The following FHIT variants were observed in gnomAD, a reference collection of about 807,000 sequenced individuals.
The protein encoded by FHIT is fragile histidine triad diadenosine triphosphatase.
Under a neutral mutation model 17.9 loss-of-function variants are expected in FHIT, and 19 were observed. That is an observed-to-expected ratio of 1.06 (90% CI 0.74 to 1.56). The LOEUF (loss-of-function observed/expected upper bound fraction) is 1.56, where lower values mean the gene tolerates loss of function less well. FHIT is among the 40% of genes most tolerant of loss of function. The pLI is 0.00. For missense variants in FHIT, 248 were observed against 189.2 expected, an observed-to-expected ratio of 1.31 and a Z score of -1.82; for synonymous variants, 81 against 69.7, an observed-to-expected ratio of 1.16 and a Z score of -0.81.
At chr3:60,088,823 G>A (rs1184172960) in intron 5 of FHIT, among the ~76,000 whole-genome samples, 1 of 152,094 alleles carries the variant, frequency 6.6e-6, no homozygotes, top group Admixed American at 6.5e-5. Flanking sequence ...TTAGTACTAG[G>A]CATACCATTT....
chr3:60,985,103 C>T lies in FHIT; in HGVS notation c.-111+56944G>A, dbSNP rs550621408. Among the ~76,000 whole-genome samples, 175 of 152,254 alleles carry T rather than the reference C, an allele frequency of 1.1e-3. 1 individual carries two copies. Among genetic ancestry groups the T allele is most frequent in the African/African-American group, 4.0e-3 (166 of 41,552 alleles). ...TGTATGTGCCCCCATCACTACAGAA[C>T]GTAATCCAAGCTCATGAGTATGGCA... On this transcript the variant is annotated intron_variant, in intron 3 of 9. Coordinates refer to ENST00000492590, the MANE Select transcript of FHIT (RefSeq NM_002012.4).
At position 60,037,879 on chromosome 3, in the gene FHIT, A is replaced by G. The variant is rs371309896; in HGVS notation, c.104-23727T>C. On this transcript the variant is annotated intron_variant, in intron 5 of 9. Coordinates refer to ENST00000492590, the MANE Select transcript of FHIT (RefSeq NM_002012.4). ...CAGGTGCATACTGCCATGCCCGGCTAATTTTTTGTATTTTAGTAGAGACAG... is the reference window on the plus strand; with the variant it reads ...CAGGTGCATACTGCCATGCCCGGCTGATTTTTTGTATTTTAGTAGAGACAG... Among the ~76,000 whole-genome samples, 291 of 151,748 alleles carry G rather than the reference A, an allele frequency of 1.9e-3. 3 individuals carry two copies. Among genetic ancestry groups the G allele is most frequent in the Middle Eastern group, 6.9e-3 (2 of 290 alleles).
chr3:60,724,298 C>A lies in FHIT; in HGVS notation c.-18+97621G>T, dbSNP rs78551581. Among the ~76,000 whole-genome samples, 954 of 152,334 alleles carry A rather than the reference C, an allele frequency of 6.3e-3. 3 individuals are homozygous for A. The highest frequency in any genetic ancestry group is 9.6e-3 in the Non-Finnish European group (654 of 68,040). On this transcript the variant is annotated intron_variant, in intron 4 of 9. Coordinates refer to ENST00000492590, the MANE Select transcript of FHIT (RefSeq NM_002012.4). ...TTTTCAAGGTTCCTCCATGATGTAA[C>A]ATGTATCAGCACTACATTTATTTTT...
chr3:59,940,850 T>C lies in FHIT; in HGVS notation c.280-18436A>G, dbSNP rs149381744. On this transcript the variant is annotated intron_variant, in intron 7 of 9. Transcript: ENST00000492590. ...AATGCCTTATAAATGTAAGCTGCTC[T>C]TCTAGTTACTTTTACCCAGATCTCT... Among the ~76,000 whole-genome samples, 11 of 152,346 alleles carry C rather than the reference T, an allele frequency of 7.2e-5. No homozygotes were observed. In the East Asian group the frequency reaches 2.1e-3, roughly 29 times the overall value.
intron 4 of FHIT, among the ~76,000 whole-genome samples, chr3:60,821,548 C>T (rs1701930156): frequency 6.6e-6 from 1 of 152,126 alleles, no homozygotes; most frequent in African/African-American, 2.4e-5. Flanking sequence ...AACTGTTTAA[C>T]CTTACTTTTT....
At chr3:60,023,991 T>TAAA (rs34799084) in intron 5 of FHIT, among the ~76,000 whole-genome samples, 29,042 of 147,546 alleles carry the variant, frequency 0.2, 3,166 homozygotes, top group African/African-American at 0.29. Context: ...TACTTCATGG[T>TAAA]AAAAAAAAAA....
At chr3:60,447,570 C>G (rs1481109431) in intron 5 of FHIT, among the ~76,000 whole-genome samples, 1 of 152,038 alleles carries the variant, frequency 6.6e-6, no homozygotes, top group Admixed American at 6.6e-5. Context: ...AACCATAAAT[C>G]AGTGTTATCA....
chr3:60,423,830 G>A (rs535670913), intron 5 of FHIT, among the ~76,000 whole-genome samples: 4 of 152,168 alleles, frequency 2.6e-5, no homozygotes, highest in African/African-American at 4.8e-5. Flanking sequence ...CTAACTTCTT[G>A]CAGCAAATAT....
intron 3 of FHIT, among the ~76,000 whole-genome samples, chr3:60,860,508 T>C (rs1453479298): frequency 4.2e-5 from 5 of 120,462 alleles, no homozygotes; most frequent in Non-Finnish European, 8.5e-5. Context: ...ATCAGGTATA[T>C]ATGATACATA....
At chr3:60,750,329 G>A (rs1444022051) in intron 4 of FHIT, among the ~76,000 whole-genome samples, 4 of 152,034 alleles carry the variant, frequency 2.6e-5, no homozygotes, top group African/African-American at 9.7e-5. Flanking sequence ...AATTCAGGAG[G>A]GCCTCAAATG....
chr3:61,140,453 A>C (rs1335159430), intron 2 of FHIT, among the ~76,000 whole-genome samples: 6 of 152,212 alleles, frequency 3.9e-5, no homozygotes, highest in Non-Finnish European at 8.8e-5. Context: ...GAGTATGCAA[A>C]AGAGGAAATA....
chr3:60,240,518 A>T (rs1357305832), intron 5 of FHIT, among the ~76,000 whole-genome samples: 2 of 152,212 alleles, frequency 1.3e-5, no homozygotes, highest in African/African-American at 4.8e-5. Context: ...GTTTGAGCTC[A>T]CACATAACGA....
In FHIT at chr3:60,226,914, C is replaced by T. The variant is rs78727309; in HGVS notation, c.104-212762G>A. Among the ~76,000 whole-genome samples, 1,050 of 152,176 alleles carry T rather than the reference C, an allele frequency of 6.9e-3. 13 individuals carry two copies. The highest frequency in any genetic ancestry group is 0.023 in the African/African-American group (956 of 41,520). ...CTGGCTAGAACATCTATCTACCTAA[C>T]GTAGTAAATGAATCAAATTTAATTT... On this transcript the variant is annotated intron_variant, in intron 5 of 9. Coordinates refer to ENST00000492590, the MANE Select transcript of FHIT (RefSeq NM_002012.4).
chr3:60,228,015 T>C (rs1368298003), intron 5 of FHIT, among the ~76,000 whole-genome samples: 1 of 152,214 alleles, frequency 6.6e-6, no homozygotes, highest in Non-Finnish European at 1.5e-5. Context: ...TTTCTTTTAC[T>C]ACCACTTAAC....
intron 2 of FHIT, among the ~76,000 whole-genome samples, chr3:61,137,267 T>C (rs1290021830): frequency 1.8e-5 from 2 of 108,886 alleles, no homozygotes; most frequent in East Asian, 5.9e-4. Flanking sequence ...TCACTCTTTT[T>C]TTTTTTTTTT....
chr3:60,379,884 C>A (rs1700727555), intron 5 of FHIT, among the ~76,000 whole-genome samples: 8 of 152,140 alleles, frequency 5.3e-5, no homozygotes, highest in Admixed American at 5.2e-4. Flanking sequence ...CCTAAATATT[C>A]TTTGACCAGT....
chr3:60,183,470 T>G (rs973651632), intron 5 of FHIT, among the ~76,000 whole-genome samples: 2 of 152,108 alleles, frequency 1.3e-5, no homozygotes, highest in African/African-American at 4.8e-5. Context: ...TGAAAGTGTT[T>G]TGTTCAATTT....
At chr3:60,479,959 T>C (rs1259212473) in intron 5 of FHIT, among the ~76,000 whole-genome samples, 4 of 152,164 alleles carry the variant, frequency 2.6e-5, no homozygotes, top group African/African-American at 4.8e-5. Flanking sequence ...ATAATGATAA[T>C]ACGTGGCTAT....
At chr3:60,900,836 C>A (rs1054211095) in intron 3 of FHIT, among the ~76,000 whole-genome samples, 3 of 151,950 alleles carry the variant, frequency 2.0e-5, no homozygotes, top group African/African-American at 7.3e-5. Context: ...GGAGTGCAGT[C>A]GTGCGATCTC....
Sources: gnomAD v4.1 joint callset for allele counts (sites outside exome capture counted in the v4.1 genomes callset) on GRCh38, gnomAD v4.1.1 for gene constraint, MANE v1.5 for transcripts, NCBI Gene and HGNC (gene_info 2026-07-23, HGNC 2026-07-21) for gene names.